FAM135B: variants seen among roughly 807,000 people sequenced by gnomAD.
FAM135B encodes the protein family with sequence similarity 135 member B, also known as protein FAM135B.
Under a neutral mutation model 127.7 loss-of-function variants are expected in FAM135B, and 43 were observed. The ratio of observed to expected loss-of-function variants is 0.34; its 90% CI spans 0.26 to 0.43. FAM135B has a LOEUF of 0.43. Ranked by LOEUF, FAM135B falls within the 20% of genes least tolerant of loss-of-function variation. FAM135B has a pLI of 1.00. For missense variants in FAM135B, 1,558 were observed against 1,725.6 expected, an observed-to-expected ratio of 0.90 and a Z score of 1.72; for synonymous variants, 670 against 665.1, an observed-to-expected ratio of 1.01 and a Z score of -0.11.
chr8:138,445,672 T>G (rs538888965), intron 1 of FAM135B, among the ~76,000 whole-genome samples: 1 of 152,218 alleles, frequency 6.6e-6, no homozygotes, highest in Admixed American at 6.5e-5. Flanking sequence ...TAAGAGCTAT[T>G]TATGACAAAC....
rs557363932 is a variant in FAM135B, at chr8:138,361,929, A to G, written c.77+5978T>C. 1.4e-4 allele frequency among the ~76,000 whole-genome samples: 22 copies of G among 152,280 alleles called. 1 individual carries two copies. The South Asian group carries it at 4.4e-3, about 30-fold the overall frequency. On this transcript the variant is annotated intron_variant, in intron 2 of 19. Transcript: ENST00000395297. Reference sequence around the variant, plus strand: ...TCCCCAGTCTGTCTCAGTGACAAGCATCTACCATGCATATGATGGCCATTT... The same window carrying G: ...TCCCCAGTCTGTCTCAGTGACAAGCGTCTACCATGCATATGATGGCCATTT...
chr8:138,348,474 C>T (rs1829564306), intron 2 of FAM135B, among the ~76,000 whole-genome samples: 1 of 152,042 alleles, frequency 6.6e-6, no homozygotes, highest in South Asian at 2.1e-4. Flanking sequence ...TTATAAAATT[C>T]AACACGACAA....
At chr8:138,136,759 T>G (rs1433083138) in intron 19 of FAM135B, among the ~76,000 whole-genome samples, 2 of 152,216 alleles carry the variant, frequency 1.3e-5, no homozygotes, top group Non-Finnish European at 1.5e-5. Context: ...CTGGGCTGCC[T>G]TAATGCCTTA....
At chr8:138,145,893 C>A in intron 15 of FAM135B, 66 bp downstream of exon 15, 1 of 814,508 alleles carries the variant, frequency 1.2e-6, no homozygotes, top group Non-Finnish European at 2.1e-6. Context: ...TATCATGGTG[C>A]ATTTAGGAGG....
chr8:138,241,043 G>A lies in FAM135B; in HGVS notation c.669+1899C>T, dbSNP rs1283819786. 1.3e-5 allele frequency among the ~76,000 whole-genome samples: 2 copies of A among 152,164 alleles called. No individual in the cohort carries two copies. The highest frequency in any genetic ancestry group is 2.9e-5 in the Non-Finnish European group (2 of 68,028). On this transcript the variant is annotated intron_variant, in intron 7 of 19. Coordinates refer to ENST00000395297, the MANE Select transcript of FAM135B (RefSeq NM_015912.4). This position sits in a 1 kb window ranked among gnomAD's most constrained non-coding sequence, Gnocchi z 4.8. ...CTACAATGGGGTCTACTGAAACTCT[G>A]GGTGCCAGCCCACGTGGGGGCTGAA... is the stretch of plus-strand genomic sequence containing the variant.
rs34227349 is a variant in FAM135B at position 138,427,273 on chromosome 8, T to TTATA, written c.-19-59275_-19-59272dup. On this transcript the variant is annotated intron_variant, in intron 1 of 19. Coordinates refer to ENST00000395297, the MANE Select transcript of FAM135B (RefSeq NM_015912.4). ...TTGAGTTGGAAGAAATTCATCAAGA[T>TTATA]TATATATATATATATATAATATTTA... 1.3e-3 allele frequency among the ~76,000 whole-genome samples: 195 copies of TTATA among 146,336 alleles called. 1 individual carries two copies. The highest frequency in any genetic ancestry group is 7.1e-3 in the Middle Eastern group (2 of 282).
chr8:138,359,393 T>C (rs1167573098), intron 2 of FAM135B, among the ~76,000 whole-genome samples: 1 of 152,176 alleles, frequency 6.6e-6, no homozygotes, highest in Non-Finnish European at 1.5e-5. Context: ...TTAAATCCAC[T>C]GCTTCTGTGG....
At chr8:138,444,191 C>T (rs1835970203) in intron 1 of FAM135B, among the ~76,000 whole-genome samples, 1 of 152,128 alleles carries the variant, frequency 6.6e-6, no homozygotes, top group Admixed American at 6.5e-5. Flanking sequence ...GGCTCCCACA[C>T]AATAATAATG....
At chr8:138,332,255 G>A (rs1302926448) in intron 2 of FAM135B, among the ~76,000 whole-genome samples, 1 of 152,070 alleles carries the variant, frequency 6.6e-6, no homozygotes, top group Non-Finnish European at 1.5e-5. Context: ...GCTTCTTCAT[G>A]AGCCAATTTC....
intron 2 of FAM135B, among the ~76,000 whole-genome samples, chr8:138,341,978 T>G (rs945604314): frequency 3.3e-5 from 5 of 152,186 alleles, no homozygotes; most frequent in African/African-American, 1.2e-4. Context: ...ACTTAAGTCC[T>G]GGACCAAGTT....
intron 2 of FAM135B, among the ~76,000 whole-genome samples, chr8:138,359,624 G>A (rs1220126623): frequency 2.0e-5 from 3 of 152,204 alleles, no homozygotes; most frequent in Non-Finnish European, 4.4e-5. Flanking sequence ...GGGAATGAAT[G>A]AAAAGGATCT....
intron 16 of FAM135B, among the ~76,000 whole-genome samples, chr8:138,142,071 G>T (rs1042622486): frequency 1.3e-5 from 2 of 151,874 alleles, no homozygotes; most frequent in South Asian, 4.2e-4. Flanking sequence ...ACCTCTATAG[G>T]CTTCATTTGT....
At chr8:138,404,942 A>C (rs1224260108) in intron 1 of FAM135B, among the ~76,000 whole-genome samples, 1 of 152,188 alleles carries the variant, frequency 6.6e-6, no homozygotes, top group Non-Finnish European at 1.5e-5. Context: ...ATGAATCACC[A>C]ATGTTCTTAA....
At chr8:138,213,328 A>G (rs2129891295) in intron 7 of FAM135B, among the ~76,000 whole-genome samples, 1 of 141,480 alleles carries the variant, frequency 7.1e-6, no homozygotes, top group African/African-American at 2.6e-5. Flanking sequence ...ATTAAGTAAT[A>G]AGTATTATTG....
intron 1 of FAM135B, among the ~76,000 whole-genome samples, chr8:138,431,258 T>C (rs1563997027): frequency 1.3e-5 from 2 of 152,194 alleles, no homozygotes; most frequent in Admixed American, 6.5e-5. Flanking sequence ...AGAGAAAACA[T>C]GCCCCTGCCA....
intron 2 of FAM135B, among the ~76,000 whole-genome samples, chr8:138,351,941 C>A (rs75953533): frequency 6.6e-6 from 1 of 152,072 alleles, no homozygotes; most frequent in Non-Finnish European, 1.5e-5. Flanking sequence ...CTGTCCGCCT[C>A]GGCCTCCCAA....
rs1820788367 is a variant in FAM135B at position 138,241,719 on chromosome 8, G to C, written c.669+1223C>G. Among the ~76,000 whole-genome samples the C allele has an allele frequency of 6.6e-6, 1 of 152,332 alleles. No individual in the cohort carries two copies. The highest frequency in any genetic ancestry group is 1.5e-5 in the Non-Finnish European group (1 of 68,026). ...AATGTGGGCTACTCAGAAATTAGTA[G>C]TGATAGTTACTATTAATGTGACAGT... On this transcript the variant is annotated intron_variant, in intron 7 of 19. Coordinates refer to ENST00000395297, the MANE Select transcript of FAM135B (RefSeq NM_015912.4). The surrounding 1 kb of genome is among the most constrained non-coding windows in gnomAD (Gnocchi z 4.8).
intron 7 of FAM135B, among the ~76,000 whole-genome samples, chr8:138,218,515 C>T (rs190329651): frequency 5.7e-4 from 87 of 152,246 alleles, no homozygotes; most frequent in African/African-American, 2.1e-3. Flanking sequence ...AGATTCCTGG[C>T]GTCTCAGATC....
intron 9 of FAM135B, among the ~76,000 whole-genome samples, chr8:138,194,644 G>A (rs569645048): frequency 1.5e-4 from 23 of 152,290 alleles, no homozygotes; most frequent in African/African-American, 5.3e-4. Context: ...GATTAGCTGT[G>A]TTAGTCACCC....
Sources: allele counts gnomAD v4.1 joint callset (sites outside exome capture counted in the v4.1 genomes callset), GRCh38; gene constraint gnomAD v4.1.1; non-coding constraint Gnocchi (gnomAD v3.1); transcripts MANE v1.5; gene names NCBI Gene and HGNC (gene_info 2026-07-23, HGNC 2026-07-21).